Variants in ARL5A observed in about 807,000 individuals in gnomAD.
ARL5A encodes ADP-ribosylation factor-like protein 5A.
Under a neutral mutation model 25.9 loss-of-function variants are expected in ARL5A, and 18 were observed. That is an observed-to-expected ratio of 0.69 (90% CI 0.48 to 1.03). The LOEUF (loss-of-function observed/expected upper bound fraction) is 1.03. Ranked by LOEUF, ARL5A falls within the 50% of genes least tolerant of loss-of-function variation. ARL5A has a pLI of 0.00. For synonymous variants in ARL5A, 61 were observed against 67.5 expected, an observed-to-expected ratio of 0.90 and a Z score of 0.47; for missense variants, 170 against 211.9, an observed-to-expected ratio of 0.80 and a Z score of 1.23.
chr2:151,815,271 T>A (rs577500341), intron 1 of ARL5A, 72 bp from the exon 2 acceptor site: 12 of 1,222,814 alleles, frequency 9.8e-6, no homozygotes, highest in Non-Finnish European at 1.4e-5. Context: ...GGAAAAAATA[T>A]ACTCTGTATC....
Position 151,800,165 on chromosome 2 carries a change from A to G in ARL5A, c.*3111T>C, listed in dbSNP as rs980313903. 2 of 152,314 alleles carry G rather than the reference A, an allele frequency of 1.3e-5. No homozygotes were observed. Among genetic ancestry groups the G allele is most frequent in the Admixed American group, 6.5e-5 (1 of 15,300 alleles). The allele number at this position is 152,314 out of a possible 1,614,324, so 9.4% of individuals were successfully genotyped here. On this transcript the variant is annotated 3_prime_UTR_variant, in exon 6 of 6. Transcript: ENST00000295087. Reference sequence around the variant, plus strand: ...CAAAAATGCCTCCAGAGAAAACTAGAAAGTTGTCTATAGATTTTCTATTTA... The same window carrying G: ...CAAAAATGCCTCCAGAGAAAACTAGGAAGTTGTCTATAGATTTTCTATTTA...
At chr2:151,805,339 T>A (rs1578371021) in intron 5 of ARL5A, among the ~76,000 whole-genome samples, 1 of 152,166 alleles carries the variant, frequency 6.6e-6, no homozygotes, top group Non-Finnish European at 1.5e-5. Context: ...TCACCCTTCA[T>A]CGTGGTCTTG....
intron 1 of ARL5A, among the ~76,000 whole-genome samples, chr2:151,820,678 A>AAC (rs1323941332): frequency 2.0e-5 from 3 of 150,626 alleles, no homozygotes; most frequent in Non-Finnish European, 4.4e-5. Flanking sequence ...AAAAAAAAAA[A>AAC]AAAAAAACAG....
Position 151,828,357 on chromosome 2 carries a change from C to T in ARL5A, c.-181G>A. The T allele has an allele frequency of 2.0e-6, 1 of 497,786 alleles. No homozygotes were observed. The highest frequency in any genetic ancestry group is 3.5e-6 in the Non-Finnish European group (1 of 289,144). The allele number at this position is 497,786 out of a possible 1,614,324, so 30.8% of individuals were successfully genotyped here. On this transcript the variant is annotated 5_prime_UTR_variant, in exon 1 of 6. Coordinates refer to ENST00000295087, the MANE Select transcript of ARL5A (RefSeq NM_012097.4). ...GAAGCCCAGGCCGCCCTGCCGCGCG[C>T]AAGGCCCCGCCGCTGCCGCCGCGGC...
intron 1 of ARL5A, 111 bp from the exon 2 acceptor site, chr2:151,815,310 T>A: frequency 1.2e-6 from 1 of 807,702 alleles, no homozygotes; most frequent in Admixed American, 2.6e-5. Flanking sequence ...CATAATTCAG[T>A]GCATGGCACT....
At chr2:151,824,720 C>T (rs1386088681) in intron 1 of ARL5A, among the ~76,000 whole-genome samples, 2 of 152,182 alleles carry the variant, frequency 1.3e-5, no homozygotes, top group Non-Finnish European at 2.9e-5. Flanking sequence ...CAAAGTCCTT[C>T]TTACACGAAG....
chr2:151,813,354 A>G (rs895096411), intron 3 of ARL5A, among the ~76,000 whole-genome samples: 2 of 152,172 alleles, frequency 1.3e-5, no homozygotes, highest in African/African-American at 4.8e-5. Context: ...TTATCACTGT[A>G]AGGCCCATTT....
intron 1 of ARL5A, among the ~76,000 whole-genome samples, chr2:151,819,270 A>G (rs759946887): frequency 3.9e-5 from 6 of 152,166 alleles, no homozygotes; most frequent in African/African-American, 4.8e-5. Flanking sequence ...CCATGTTACC[A>G]TTTTTTCAAA....
rs139870793 is a variant in ARL5A at position 151,816,829 on chromosome 2, C to T, written c.47-1630G>A. Among the ~76,000 whole-genome samples the T allele has an allele frequency of 4.9e-3, 753 of 152,284 alleles. 5 individuals carry two copies. The highest frequency in any genetic ancestry group is 0.014 in the South Asian group (69 of 4,834). On this transcript the variant is annotated intron_variant, in intron 1 of 5. Coordinates refer to ENST00000295087, the MANE Select transcript of ARL5A (RefSeq NM_012097.4). Reference sequence around the variant, plus strand: ...GTAGCAATAAGCTGCAGCTCCCAGTCGGCCATTCAATAACGAGGGTAAACA... The same window carrying T: ...GTAGCAATAAGCTGCAGCTCCCAGTTGGCCATTCAATAACGAGGGTAAACA...
At chr2:151,815,255 A>G (rs1348707119) in intron 1 of ARL5A, 56 bp from the exon 2 acceptor site, 4 of 1,390,268 alleles carry the variant, frequency 2.9e-6, no homozygotes, top group South Asian at 1.3e-5. Context: ...AAAAAGATTA[A>G]TTATAGGAAA....
intron 1 of ARL5A, among the ~76,000 whole-genome samples, chr2:151,816,256 C>G (rs2099831483): frequency 6.6e-6 from 1 of 152,094 alleles, no homozygotes; most frequent in African/African-American, 2.4e-5. Flanking sequence ...AAAGGGATGA[C>G]CAGTCAGCCC....
At chr2:151,818,602 T>C (rs965925191) in intron 1 of ARL5A, among the ~76,000 whole-genome samples, 5 of 152,236 alleles carry the variant, frequency 3.3e-5, no homozygotes, top group African/African-American at 1.2e-4. Flanking sequence ...AGCAAGGCCA[T>C]GCCTGCATGA....
rs1430171563 is a variant in ARL5A, at chr2:151,806,948, T to C, written c.364A>G (p.Ile122Val). 2.5e-6 allele frequency: 4 copies of C among 1,611,430 alleles called. No homozygotes were observed. The highest frequency in any genetic ancestry group is 3.4e-6 in the Non-Finnish European group (4 of 1,179,058). The change falls in exon 5 of 6, where the codon ATT (isoleucine) becomes GTT (valine). Residue 122 changes from isoleucine (I) to valine (V), a missense_variant. Ile to Val is a conservative substitution (Grantham distance 29). Coordinates refer to ENST00000295087, the MANE Select transcript of ARL5A (RefSeq NM_012097.4). Reference protein sequence around the residue: ...HEDLRKAGLLIFANKQDVKEC... With the variant: ...HEDLRKAGLLVFANKQDVKEC... ...TTAACATCTTGTTTATTAGCAAAAATCAGCAATCCAGCTTTTCTTAGGTCC... is the reference window on the plus strand; with the variant it reads ...TTAACATCTTGTTTATTAGCAAAAACCAGCAATCCAGCTTTTCTTAGGTCC...
intron 1 of ARL5A, among the ~76,000 whole-genome samples, chr2:151,815,571 C>G (rs2099831396): frequency 6.6e-6 from 1 of 152,198 alleles, no homozygotes; most frequent in African/African-American, 2.4e-5. Flanking sequence ...CAATGAGGTT[C>G]TAACTGGAAC....
At chr2:151,823,692 G>A (rs2099832668) in intron 1 of ARL5A, among the ~76,000 whole-genome samples, 1 of 152,228 alleles carries the variant, frequency 6.6e-6, no homozygotes, top group African/African-American at 2.4e-5. Flanking sequence ...GTGGCTCACT[G>A]AATGGCAGAG....
At chr2:151,806,481 G>A (rs1409997928) in intron 5 of ARL5A, among the ~76,000 whole-genome samples, 1 of 152,166 alleles carries the variant, frequency 6.6e-6, no homozygotes, top group Non-Finnish European at 1.5e-5. Context: ...CATAGGACAT[G>A]CTCGGCACAT....
rs2099830065 is a variant in ARL5A, at chr2:151,806,052, CACAGAATTTGTTCTGACAA to C, written c.491+750_491+768del. Among the ~76,000 whole-genome samples the C allele has an allele frequency of 3.3e-5, 5 of 152,276 alleles. No homozygotes were observed. In the South Asian group the frequency reaches 1.0e-3, roughly 32 times the overall value. ...TTACCTCATGCCCACTTTCTCAATG[CACAGAATTTGTTCTGACAA>C]ACTGGTTGAATGTACTCATTTGTTG... On this transcript the variant is annotated intron_variant, in intron 5 of 5. Coordinates refer to ENST00000295087, the MANE Select transcript of ARL5A (RefSeq NM_012097.4).
At chr2:151,823,082 A>G (rs1448547917) in intron 1 of ARL5A, among the ~76,000 whole-genome samples, 1 of 152,220 alleles carries the variant, frequency 6.6e-6, no homozygotes, top group Non-Finnish European at 1.5e-5. Context: ...AGTCCTCTTG[A>G]TTCATCATTT....
rs1285284092 is a variant in ARL5A at position 151,802,091 on chromosome 2, T to C, written c.*1185A>G. The C allele has an allele frequency of 6.6e-6, 1 of 152,158 alleles. No homozygotes were observed. The highest frequency in any genetic ancestry group is 1.5e-5 in the Non-Finnish European group (1 of 67,974). The allele number at this position is 152,158 out of a possible 1,614,324, so 9.4% of individuals were successfully genotyped here. On this transcript the variant is annotated 3_prime_UTR_variant, in exon 6 of 6. Coordinates refer to ENST00000295087, the MANE Select transcript of ARL5A (RefSeq NM_012097.4). Reference sequence around the variant, plus strand: ...CATTTTATAATTGTCAATGCATTTATGTAATAGAAGATACAACAAAATTTA... The same window carrying C: ...CATTTTATAATTGTCAATGCATTTACGTAATAGAAGATACAACAAAATTTA...
Sources: allele counts gnomAD v4.1 joint callset (sites outside exome capture counted in the v4.1 genomes callset), GRCh38; gene constraint gnomAD v4.1.1; transcripts MANE v1.5; gene names NCBI Gene and HGNC (gene_info 2026-07-23, HGNC 2026-07-21).